ZSWIM6: variants seen among roughly 807,000 people sequenced by gnomAD.
ZSWIM6 encodes the protein zinc finger SWIM-type containing 6.
ZSWIM6 carries 9 observed loss-of-function variants against 113.2 expected under a neutral mutation model. That is an observed-to-expected ratio of 0.08 (90% CI 0.05 to 0.14). ZSWIM6 has a LOEUF of 0.14. Among genes scored for constraint, ZSWIM6 ranks in the 10% least tolerant of loss-of-function variants. The pLI is 1.00. For synonymous variants in ZSWIM6, 611 were observed against 606.5 expected, an observed-to-expected ratio of 1.01 and a Z score of -0.11; for missense variants, 1,162 against 1,552.2, an observed-to-expected ratio of 0.75 and a Z score of 4.22.
chr5:61,522,497 G>C (rs563930630), intron 5 of ZSWIM6, among the ~76,000 whole-genome samples: 1 of 152,148 alleles, frequency 6.6e-6, no homozygotes, highest in Non-Finnish European at 1.5e-5. Context: ...TGTTAGTATA[G>C]TGTTTTTAGT....
chr5:61,342,952 G>A (rs1296967246), intron 1 of ZSWIM6, among the ~76,000 whole-genome samples: 2 of 152,012 alleles, frequency 1.3e-5, no homozygotes, highest in Non-Finnish European at 2.9e-5. Flanking sequence ...GGTTGTGTTG[G>A]GTGATTTTGA....
intron 1 of ZSWIM6, among the ~76,000 whole-genome samples, chr5:61,333,408 C>G (rs890258842): frequency 6.6e-6 from 1 of 151,878 alleles, no homozygotes; most frequent in Admixed American, 6.5e-5. Flanking sequence ...CGGCGCTCCC[C>G]CCCTCTCCCA....
intron 4 of ZSWIM6, among the ~76,000 whole-genome samples, chr5:61,514,922 G>A (rs1748890202): frequency 6.6e-6 from 1 of 152,046 alleles, no homozygotes; most frequent in African/African-American, 2.4e-5. Context: ...TCCATTTTCT[G>A]GAAGACATTG....
chr5:61,375,167 C>G, intron 1 of ZSWIM6: 1 of 1,613,098 alleles, frequency 6.2e-7, no homozygotes. Flanking sequence ...ATGGCGAGAT[C>G]AAGGGGTCCA....
intron 1 of ZSWIM6, among the ~76,000 whole-genome samples, chr5:61,364,016 T>C (rs1376822386): frequency 1.3e-5 from 2 of 150,450 alleles, no homozygotes; most frequent in African/African-American, 2.5e-5. Flanking sequence ...TCTTTTCTTT[T>C]CTTCCTTTCT....
chr5:61,453,522 G>T (rs1747132937), intron 1 of ZSWIM6, among the ~76,000 whole-genome samples: 2 of 151,566 alleles, frequency 1.3e-5, no homozygotes, highest in African/African-American at 4.9e-5. Context: ...CTACAGGCAT[G>T]TGCCACCATG....
chr5:61,369,692 T>C (rs1044573299), intron 1 of ZSWIM6, among the ~76,000 whole-genome samples: 8 of 152,180 alleles, frequency 5.3e-5, no homozygotes, highest in East Asian at 1.9e-4. Context: ...TTTTTCCCCT[T>C]GTATACCTCC....
At chr5:61,366,704 G>T (rs193283793) in intron 1 of ZSWIM6, among the ~76,000 whole-genome samples, 1 of 152,184 alleles carries the variant, frequency 6.6e-6, no homozygotes, top group African/African-American at 2.4e-5. Flanking sequence ...GGCTGAGGCG[G>T]CAGATGGCTT....
intron 4 of ZSWIM6, among the ~76,000 whole-genome samples, chr5:61,504,905 CAG>C (rs1338403646): frequency 1.3e-5 from 2 of 151,948 alleles, no homozygotes; most frequent in African/African-American, 4.8e-5. Context: ...AGTCAGGAAA[CAG>C]AATAAATAAA....
intron 5 of ZSWIM6, among the ~76,000 whole-genome samples, chr5:61,525,597 C>T (rs1561278462): frequency 6.6e-6 from 1 of 152,114 alleles, no homozygotes; most frequent in East Asian, 1.9e-4. Context: ...GTTTGATAAA[C>T]AAGTGAGTGA....
chr5:61,406,668 A>G (rs1283464762), intron 1 of ZSWIM6, among the ~76,000 whole-genome samples: 1 of 151,172 alleles, frequency 6.6e-6, no homozygotes, highest in Admixed American at 6.6e-5. Flanking sequence ...GGCATATGAT[A>G]CTATAATTTA....
chr5:61,430,445 C>A (rs1456214275), intron 1 of ZSWIM6, among the ~76,000 whole-genome samples: 1 of 152,070 alleles, frequency 6.6e-6, no homozygotes, highest in Non-Finnish European at 1.5e-5. Flanking sequence ...TTATATTAAT[C>A]TTAAATCTGA....
chr5:61,422,224 A>C (rs1230505451), intron 1 of ZSWIM6, among the ~76,000 whole-genome samples: 1 of 152,188 alleles, frequency 6.6e-6, no homozygotes, highest in Non-Finnish European at 1.5e-5. Flanking sequence ...TGTTTAATCC[A>C]TTTTGATCTG....
intron 1 of ZSWIM6, among the ~76,000 whole-genome samples, chr5:61,429,332 A>T (rs1428804281): frequency 1.3e-5 from 2 of 152,196 alleles, no homozygotes; most frequent in Non-Finnish European, 2.9e-5. Flanking sequence ...AAGCCACAAG[A>T]TGGTAGGGGC....
chr5:61,375,797 A>G (rs1189219722), intron 1 of ZSWIM6: 2 of 1,412,772 alleles, frequency 1.4e-6, no homozygotes, highest in Non-Finnish European at 2.0e-6. Context: ...AAGAAGCATA[A>G]GAAACACAGT....
At chr5:61,363,898 CTCCTTCCT>C (rs1402071169) in intron 1 of ZSWIM6, among the ~76,000 whole-genome samples, 11 of 135,062 alleles carry the variant, frequency 8.1e-5, no homozygotes, top group African/African-American at 1.7e-4. Context: ...CCCTCCTTCC[CTCCTTCCT>C]TCCTTCCATT....
intron 2 of ZSWIM6, among the ~76,000 whole-genome samples, chr5:61,486,067 C>T (rs1748010677): frequency 6.6e-6 from 1 of 152,022 alleles, no homozygotes; most frequent in Non-Finnish European, 1.5e-5. Flanking sequence ...GCATCCATCA[C>T]CTGGATAATG....
At chr5:61,362,693 A>G (rs996747541) in intron 1 of ZSWIM6, among the ~76,000 whole-genome samples, 5 of 152,084 alleles carry the variant, frequency 3.3e-5, no homozygotes, top group African/African-American at 1.2e-4. Flanking sequence ...CCCTTTTCTT[A>G]GATTATGCCA....
chr5:61,491,053 C>T lies in ZSWIM6; in HGVS notation c.1182+119C>T, dbSNP rs7732234. 521,262 of 977,972 alleles carry T rather than the reference C, an allele frequency of 0.53. 144,460 individuals carry two copies. Among genetic ancestry groups the T allele is most frequent in the African/African-American group, 0.87 (50,680 of 58,084 alleles). 60.6% of individuals were successfully genotyped at this position (977,972 alleles called of 1,614,324 possible). On this transcript the variant is annotated intron_variant, in intron 3 of 13. Transcript: ENST00000252744. ...TAAAAATTAAAGAACAGGGTCTTAG[C>T]TGACCAATAGAAACTTTTGTATTGT... is the stretch of plus-strand genomic sequence containing the variant.
Sources: allele counts gnomAD v4.1 joint callset (sites outside exome capture counted in the v4.1 genomes callset), GRCh38; gene constraint gnomAD v4.1.1; transcripts MANE v1.5; gene names NCBI Gene and HGNC (gene_info 2026-07-23, HGNC 2026-07-21).